Variants in RSRC1 observed in about 807,000 individuals in gnomAD.
The protein encoded by RSRC1 is arginine and serine rich coiled-coil 1.
Under a neutral mutation model 49.1 loss-of-function variants are expected in RSRC1, and 39 were observed. The ratio of observed to expected loss-of-function variants is 0.79; its 90% CI spans 0.61 to 1.04. The LOEUF is 1.04. Ranked by LOEUF, RSRC1 falls within the 50% of genes least tolerant of loss-of-function variation. The probability of loss-of-function intolerance (pLI) is 0.00; values close to 1 mark genes in which losing one functional copy is unlikely to be tolerated. For synonymous variants in RSRC1, 143 were observed against 130.8 expected, an observed-to-expected ratio of 1.09 and a Z score of -0.63; for missense variants, 388 against 402.4, an observed-to-expected ratio of 0.96 and a Z score of 0.31.
chr3:158,121,066 T>G (rs1374043971), intron 1 of RSRC1, among the ~76,000 whole-genome samples: 1 of 151,912 alleles, frequency 6.6e-6, no homozygotes, highest in African/African-American at 2.4e-5. Context: ...AACTATATTT[T>G]ATATTATGAA....
At chr3:158,420,831 C>G (rs944847108) in intron 6 of RSRC1, among the ~76,000 whole-genome samples, 5 of 151,848 alleles carry the variant, frequency 3.3e-5, no homozygotes, top group African/African-American at 9.7e-5. Context: ...TTTCTATATG[C>G]AGACAACTCT....
intron 6 of RSRC1, among the ~76,000 whole-genome samples, chr3:158,414,006 T>G (rs1363404618): frequency 6.6e-6 from 1 of 152,060 alleles, no homozygotes; most frequent in Non-Finnish European, 1.5e-5. Context: ...AAGGAATTAC[T>G]GGGTATACAC....
intron 5 of RSRC1, among the ~76,000 whole-genome samples, chr3:158,339,612 T>G (rs538001210): frequency 3.9e-5 from 6 of 152,296 alleles, no homozygotes; most frequent in African/African-American, 1.4e-4. Context: ...TAGATTTCAG[T>G]GAAATTGATA....
At chr3:158,487,974 A>AAAAAAAAAAAG (rs71144458) in intron 7 of RSRC1, among the ~76,000 whole-genome samples, 1 of 148,742 alleles carries the variant, frequency 6.7e-6, no homozygotes. Context: ...AAAAAAAAAA[A>AAAAAAAAAAAG]CTGGCTGAAT....
At position 158,445,520 on chromosome 3, in the gene RSRC1, G is replaced by A. The variant is rs1048951881; in HGVS notation, c.584-15415G>A. 3.3e-5 allele frequency among the ~76,000 whole-genome samples: 5 copies of A among 152,088 alleles called. No homozygotes were observed. The East Asian group carries it at 9.6e-4, about 29-fold the overall frequency. ...GGCATGTCGTGGGGTGGGGGTAGCGGGGAGGGACAGCATTAGGAGATACAC... is the reference window on the plus strand; with the variant it reads ...GGCATGTCGTGGGGTGGGGGTAGCGAGGAGGGACAGCATTAGGAGATACAC... On this transcript the variant is annotated intron_variant, in intron 6 of 9. Transcript: ENST00000611884.
chr3:158,136,965 T>A lies in RSRC1; in HGVS notation c.320+12974T>A, dbSNP rs1006135449. On this transcript the variant is annotated intron_variant, in intron 3 of 9. Coordinates refer to ENST00000611884, the MANE Select transcript of RSRC1 (RefSeq NM_001271838.2). ...CTGTTCTTGTAAGGACACTGTTAAA[T>A]AAATGTGTGTTTCTATCGTTCTTTC... is the stretch of plus-strand genomic sequence containing the variant. 2 of 152,210 alleles carry A rather than the reference T, an allele frequency of 1.3e-5. 1 individual carries two copies. 9.4% of individuals were successfully genotyped at this position (152,210 alleles called of 1,614,324 possible).
intron 4 of RSRC1, among the ~76,000 whole-genome samples, chr3:158,280,000 G>T (rs1726050519): frequency 6.6e-6 from 1 of 152,126 alleles, no homozygotes; most frequent in African/African-American, 2.4e-5. Flanking sequence ...TAGTATGCAG[G>T]CACTGACCAC....
At chr3:158,477,798 T>TATATATATATATATATATATATATA (rs1738432613) in intron 7 of RSRC1, among the ~76,000 whole-genome samples, 7 of 89,766 alleles carry the variant, frequency 7.8e-5, no homozygotes, top group African/African-American at 3.2e-4. Flanking sequence ...CGGGAGGGAT[T>TATATATATATATATATATATATATA]TATATATATA....
chr3:158,450,301 G>C (rs1736952632), intron 6 of RSRC1, among the ~76,000 whole-genome samples: 1 of 148,678 alleles, frequency 6.7e-6, no homozygotes, highest in Non-Finnish European at 1.5e-5. Context: ...TGGAGCATTT[G>C]CTGATAATAA....
Position 158,392,243 on chromosome 3 carries a change from T to G in RSRC1, c.583+37335T>G, listed in dbSNP as rs1265467339. 2.0e-5 allele frequency among the ~76,000 whole-genome samples: 3 copies of G among 152,144 alleles called. No homozygotes were observed. In the East Asian group the frequency reaches 5.8e-4, roughly 29 times the overall value. ...TCACTAAAGAACAAGTGAAAGCCTT[T>G]TACTACTGTGGCTATGAGAATAATT... is the stretch of plus-strand genomic sequence containing the variant. On this transcript the variant is annotated intron_variant, in intron 6 of 9. Transcript: ENST00000611884.
chr3:158,186,755 G>A (rs1719952457), intron 3 of RSRC1, among the ~76,000 whole-genome samples: 2 of 151,842 alleles, frequency 1.3e-5, no homozygotes, highest in Non-Finnish European at 2.9e-5. Context: ...TTTTAGAGGG[G>A]AGGCACTGAC....
At chr3:158,306,386 C>T (rs1727840120) in intron 5 of RSRC1, among the ~76,000 whole-genome samples, 1 of 151,824 alleles carries the variant, frequency 6.6e-6, no homozygotes, top group African/African-American at 2.4e-5. Flanking sequence ...ACACGTGAAG[C>T]TGGTTTTTGC....
intron 6 of RSRC1, among the ~76,000 whole-genome samples, chr3:158,457,768 T>C (rs1737417726): frequency 6.7e-6 from 1 of 149,708 alleles, no homozygotes; most frequent in Admixed American, 6.7e-5. Flanking sequence ...TTTTTTAATA[T>C]ATATATGGGA....
chr3:158,366,352 G>A (rs1390228822), intron 6 of RSRC1, among the ~76,000 whole-genome samples: 1 of 152,142 alleles, frequency 6.6e-6, no homozygotes. Flanking sequence ...TCCAGTTTCA[G>A]TTTTCTGCAT....
At chr3:158,232,867 T>C (rs1187002183) in intron 4 of RSRC1, among the ~76,000 whole-genome samples, 2 of 152,144 alleles carry the variant, frequency 1.3e-5, no homozygotes, top group African/African-American at 4.8e-5. Flanking sequence ...TTTATACTTA[T>C]ATGACATGTT....
At position 158,483,104 on chromosome 3, in the gene RSRC1, C is replaced by T. The variant is rs75839685; in HGVS notation, c.652+22101C>T. ...ACTCCCAGTAGCCATTTGAAGGACA[C>T]ACATAAAATCATTTTCAACAAAAGA... On this transcript the variant is annotated intron_variant, in intron 7 of 9. Coordinates refer to ENST00000611884, the MANE Select transcript of RSRC1 (RefSeq NM_001271838.2). 6.9e-3 allele frequency among the ~76,000 whole-genome samples: 1,049 copies of T among 152,056 alleles called. 14 individuals carry two copies. Among genetic ancestry groups the T allele is most frequent in the African/African-American group, 0.024 (998 of 41,530 alleles).
chr3:158,352,623 G>A (rs943654342), intron 5 of RSRC1, among the ~76,000 whole-genome samples: 2 of 152,114 alleles, frequency 1.3e-5, no homozygotes, highest in East Asian at 3.9e-4. Context: ...CGCTTGCTTA[G>A]GATCTGCTTG....
chr3:158,488,240 T>G (rs1210640642), intron 7 of RSRC1, among the ~76,000 whole-genome samples: 1 of 152,116 alleles, frequency 6.6e-6, no homozygotes, highest in Non-Finnish European at 1.5e-5. Context: ...ATCTGTTATG[T>G]CTGAAGGAAC....
chr3:158,137,771 A>G (rs541652897), intron 3 of RSRC1, among the ~76,000 whole-genome samples: 5 of 151,034 alleles, frequency 3.3e-5, no homozygotes, highest in African/African-American at 1.2e-4. Flanking sequence ...CTCCTGCCTC[A>G]GCCTCCCGAG....
Sources: gnomAD v4.1 joint callset for allele counts (sites outside exome capture counted in the v4.1 genomes callset) on GRCh38, gnomAD v4.1.1 for gene constraint, MANE v1.5 for transcripts, NCBI Gene and HGNC (gene_info 2026-07-23, HGNC 2026-07-21) for gene names.